Variants in MAP2K5 observed in about 807,000 individuals in gnomAD.
MAP2K5 encodes mitogen-activated protein kinase kinase 5, also known as dual specificity mitogen-activated protein kinase kinase 5.
Under a neutral mutation model 83.1 loss-of-function variants are expected in MAP2K5, and 49 were observed. That is an observed-to-expected ratio of 0.59 (90% CI 0.47 to 0.75). The LOEUF is 0.75. Among genes scored for constraint, MAP2K5 ranks in the 30% least tolerant of loss-of-function variants. MAP2K5 has a pLI of 0.00. For synonymous variants in MAP2K5, 202 were observed against 191.8 expected, an observed-to-expected ratio of 1.05 and a Z score of -0.44; for missense variants, 457 against 557.5, an observed-to-expected ratio of 0.82 and a Z score of 1.82.
intron 13 of MAP2K5, 118 bp downstream of exon 13, chr15:67,664,763 A>G (rs2087332095): frequency 3.3e-6 from 2 of 597,620 alleles, no homozygotes; most frequent in East Asian, 5.5e-5. Flanking sequence ...TCTGGTACTC[A>G]AAAAGATGGC....
intron 13 of MAP2K5, among the ~76,000 whole-genome samples, chr15:67,682,431 G>C (rs1276804934): frequency 1.3e-5 from 2 of 151,854 alleles, no homozygotes; most frequent in African/African-American, 4.8e-5. Flanking sequence ...TGCCACGTTG[G>C]CCAGGCTCAT....
rs2090729208 is a variant in MAP2K5 at position 67,802,741 on chromosome 15, G to A, written c.1243-3905G>A. 6.6e-6 allele frequency among the ~76,000 whole-genome samples: 1 copy of A among 152,258 alleles called. No individual in the cohort carries two copies. Among genetic ancestry groups the A allele is most frequent in the Admixed American group, 6.5e-5 (1 of 15,290 alleles). On this transcript the variant is annotated intron_variant, in intron 21 of 21. Coordinates refer to ENST00000178640, the MANE Select transcript of MAP2K5 (RefSeq NM_145160.3). The surrounding 1 kb of genome is among the most constrained non-coding windows in gnomAD (Gnocchi z 5.0). ...CGTGGGTGGAAGATGCTCTTGACAA[G>A]CATCTGTATTGGTGCCTGGGTTCCA...
intron 4 of MAP2K5, among the ~76,000 whole-genome samples, chr15:67,582,140 C>A (rs902242590): frequency 6.6e-6 from 1 of 150,902 alleles, no homozygotes; most frequent in African/African-American, 2.4e-5. Flanking sequence ...CAGCTCACCG[C>A]AACCTCTGAC....
intron 12 of MAP2K5, among the ~76,000 whole-genome samples, chr15:67,661,079 A>G (rs909481241): frequency 1.3e-5 from 2 of 152,108 alleles, no homozygotes; most frequent in Non-Finnish European, 2.9e-5. Flanking sequence ...AAGGTTCATT[A>G]CAGCATGGAC....
At chr15:67,756,515 CTGTGTGTGTGTGTGTGTGTGTG>C (rs200627656) in intron 19 of MAP2K5, among the ~76,000 whole-genome samples, 5 of 131,544 alleles carry the variant, frequency 3.8e-5, no homozygotes, top group Admixed American at 7.6e-5. Flanking sequence ...CACACAGTTA[CTGTGTGTGTGTGTGTGTGTGTG>C]TGTGTGTGTG....
chr15:67,772,747 T>C lies in MAP2K5; in HGVS notation c.1237T>C (p.Leu413=), dbSNP rs377400904. ...QPKERPAPEE[L]MGHPFIVQFN... is the part of the protein sequence containing the mutation. ...AAAAGAAAGGCCAGCACCTGAAGAATTGATGGTAAGTGAATGTTTTTAGTT... is the reference window on the plus strand; with the variant it reads ...AAAAGAAAGGCCAGCACCTGAAGAACTGATGGTAAGTGAATGTTTTTAGTT... Residue 413 remains leucine, a synonymous_variant, in exon 21 of 22, where the codon TTG becomes CTG. Transcript: ENST00000178640. 4.4e-6 allele frequency: 7 copies of C among 1,602,892 alleles called. No homozygotes were observed. The highest frequency in any genetic ancestry group is 2.3e-5 in the East Asian group (1 of 44,392).
intron 3 of MAP2K5, among the ~76,000 whole-genome samples, chr15:67,567,181 A>C (rs895394993): frequency 2.6e-5 from 4 of 152,206 alleles, no homozygotes; most frequent in African/African-American, 9.7e-5. Context: ...TCAGCAGCCA[A>C]GTGTTATTAC....
At position 67,719,935 on chromosome 15, in the gene MAP2K5, C is replaced by T. The variant is rs1472167699; in HGVS notation, c.1045-7981C>T. Among the ~76,000 whole-genome samples, 1 of 152,116 alleles carries T rather than the reference C, an allele frequency of 6.6e-6. No individual in the cohort carries two copies. Among genetic ancestry groups the T allele is most frequent in the African/African-American group, 2.4e-5 (1 of 41,416 alleles). On this transcript the variant is annotated intron_variant, in intron 16 of 21. Transcript: ENST00000178640. The surrounding 1 kb of genome is among the most constrained non-coding windows in gnomAD (Gnocchi z 4.6). ...AGAATACCATGGAAAAAGACCTTTGCCATTGTTTTTAACTGACTTTTAGAG... is the reference window on the plus strand; with the variant it reads ...AGAATACCATGGAAAAAGACCTTTGTCATTGTTTTTAACTGACTTTTAGAG...
chr15:67,713,085 A>G (rs892330406), intron 16 of MAP2K5, among the ~76,000 whole-genome samples: 2 of 152,206 alleles, frequency 1.3e-5, no homozygotes, highest in African/African-American at 4.8e-5. Context: ...TGGGAAAAAT[A>G]TATGTTTGTA....
intron 8 of MAP2K5, among the ~76,000 whole-genome samples, chr15:67,609,802 A>G (rs2085876995): frequency 6.6e-6 from 1 of 151,984 alleles, no homozygotes; most frequent in Non-Finnish European, 1.5e-5. Context: ...TAAAGACAGG[A>G]TGGAATCAGT....
At chr15:67,691,804 T>A (rs973597427) in intron 13 of MAP2K5, among the ~76,000 whole-genome samples, 1 of 152,218 alleles carries the variant, frequency 6.6e-6, no homozygotes, top group African/African-American at 2.4e-5. Flanking sequence ...TCAATTCTTT[T>A]GTTAACTATA....
intron 8 of MAP2K5, among the ~76,000 whole-genome samples, chr15:67,629,501 C>T (rs972611540): frequency 1.3e-5 from 2 of 151,748 alleles, no homozygotes; most frequent in African/African-American, 4.8e-5. Flanking sequence ...ACCAAATTTT[C>T]TGCTAAACAG....
rs1165696185 is a variant in MAP2K5 at position 67,781,193 on chromosome 15, T to C, written c.1242+8441T>C. Among the ~76,000 whole-genome samples the C allele has an allele frequency of 6.6e-6, 1 of 152,202 alleles. No homozygotes were observed. Among genetic ancestry groups the C allele is most frequent in the Non-Finnish European group, 1.5e-5 (1 of 68,040 alleles). ...GTCCCTGGGATTTGGGAATTGCTGT[T>C]GAAGGTAGCAAAGTTGTTTTCCTGT... On this transcript the variant is annotated intron_variant, in intron 21 of 21. Coordinates refer to ENST00000178640, the MANE Select transcript of MAP2K5 (RefSeq NM_145160.3). This position sits in a 1 kb window ranked among gnomAD's most constrained non-coding sequence, Gnocchi z 4.0.
intron 13 of MAP2K5, among the ~76,000 whole-genome samples, chr15:67,681,364 C>A (rs185190142): frequency 6.6e-6 from 1 of 152,184 alleles, no homozygotes; most frequent in Non-Finnish European, 1.5e-5. Context: ...CACACCCACA[C>A]GTACATGTAT....
intron 19 of MAP2K5, among the ~76,000 whole-genome samples, chr15:67,762,068 G>A (rs2089959843): frequency 6.6e-6 from 1 of 152,238 alleles, no homozygotes; most frequent in East Asian, 1.9e-4. Context: ...CTTCCCACGA[G>A]GGTGAGCTCA....
chr15:67,646,455 C>T lies in MAP2K5; in HGVS notation c.722C>T (p.Thr241Ile), dbSNP rs756798955. 6.3e-7 allele frequency: 1 copy of T among 1,586,182 alleles called. No homozygotes were observed. Among genetic ancestry groups the T allele is most frequent in the Non-Finnish European group, 8.6e-7 (1 of 1,158,012 alleles). ...GTAGAAAACAGGATTTCAATATGTA[C>T]AGAATTCATGGATGGTGAGTTTTCC... ...FFVENRISIC[T>I]EFMDGGSLDV... The change falls in exon 11 of 22, where the codon ACA becomes ATA. Residue 241 changes from threonine to isoleucine, a missense_variant. Thr to Ile is a moderately conservative substitution (Grantham distance 89). Transcript: ENST00000178640.
intron 9 of MAP2K5, chr15:67,641,590 A>G: frequency 1.0e-6 from 1 of 996,880 alleles, no homozygotes; most frequent in Non-Finnish European, 1.2e-6. Flanking sequence ...TTGACTGCTT[A>G]TATTTAACTT....
chr15:67,636,456 G>C lies in MAP2K5; in HGVS notation c.585+5529G>C, dbSNP rs66877651. ...TATAGTTATAATAACTGAATTAGTG[G>C]CCTTATCTATTTATTCCATCATATG... On this transcript the variant is annotated intron_variant, in intron 9 of 21. Transcript: ENST00000178640. The surrounding 1 kb of genome is among the most constrained non-coding windows in gnomAD (Gnocchi z 4.7). Among the ~76,000 whole-genome samples the C allele has an allele frequency of 6.6e-6, 1 of 151,514 alleles. No homozygotes were observed. Among genetic ancestry groups the C allele is most frequent in the Admixed American group, 6.6e-5 (1 of 15,208 alleles).
intron 21 of MAP2K5, among the ~76,000 whole-genome samples, chr15:67,773,025 A>G (rs2090170997): frequency 6.6e-6 from 1 of 152,164 alleles, no homozygotes; most frequent in Non-Finnish European, 1.5e-5. Flanking sequence ...CTTTATCCTC[A>G]TTTGCTATTA....
Sources: allele counts gnomAD v4.1 joint callset (sites outside exome capture counted in the v4.1 genomes callset), GRCh38; gene constraint gnomAD v4.1.1; non-coding constraint Gnocchi (gnomAD v3.1); transcripts MANE v1.5; gene names NCBI Gene and HGNC (gene_info 2026-07-23, HGNC 2026-07-21).